SYNPR: variants seen among roughly 807,000 people sequenced by gnomAD.
SYNPR encodes the protein synaptoporin.
SYNPR carries 23 observed loss-of-function variants against 32.9 expected under a neutral mutation model. The observed-to-expected ratio is 0.70, with a 90% confidence interval of 0.50 to 0.99. SYNPR has a LOEUF of 0.99. SYNPR is among the 50% of genes least tolerant of loss of function. The probability of loss-of-function intolerance (pLI) is 0.00; values close to 1 mark genes in which losing one functional copy is unlikely to be tolerated. For synonymous variants in SYNPR, 146 were observed against 135.9 expected (o/e 1.07, Z -0.52); for missense variants, 318 against 349.3 (o/e 0.91, Z 0.71).
intron 3 of SYNPR, among the ~76,000 whole-genome samples, chr3:63,523,287 T>A (rs1434629170): frequency 6.6e-6 from 1 of 152,124 alleles, no homozygotes; most frequent in East Asian, 1.9e-4. Context: ...TTTTCCACCT[T>A]GCACTATGGT....
At chr3:63,337,232 C>CAAAA (rs67376099) in intron 2 of SYNPR, among the ~76,000 whole-genome samples, 30 of 55,406 alleles carry the variant, frequency 5.4e-4, no homozygotes, top group Admixed American at 1.0e-3. Context: ...ACTCTGTCTC[C>CAAAA]AAAAAAAAAA....
intron 2 of SYNPR, among the ~76,000 whole-genome samples, chr3:63,402,951 C>G (rs1018919423): frequency 6.6e-6 from 1 of 152,148 alleles, no homozygotes; most frequent in Non-Finnish European, 1.5e-5. Flanking sequence ...TGTCCTGGAA[C>G]ACTAAGGAAG....
At chr3:63,354,877 A>T (rs1469482338) in intron 2 of SYNPR, among the ~76,000 whole-genome samples, 2 of 152,214 alleles carry the variant, frequency 1.3e-5, no homozygotes, top group Non-Finnish European at 2.9e-5. Context: ...GAGCACTTTC[A>T]CATGTATTAT....
upstream of SYNPR, among the ~76,000 whole-genome samples, chr3:63,277,026 G>C (rs913894414): frequency 6.6e-6 from 1 of 152,096 alleles, no homozygotes; most frequent in African/African-American, 2.4e-5. Flanking sequence ...CAGTCCAAAG[G>C]GAGTGAGAAG....
At chr3:63,606,145 C>T (rs573752108) in intron 4 of SYNPR, among the ~76,000 whole-genome samples, 33 of 152,178 alleles carry the variant, frequency 2.2e-4, no homozygotes, top group South Asian at 1.7e-3. Flanking sequence ...AATGGACACA[C>T]GGGTAACAGG....
chr3:63,533,544 G>T (rs11130940), intron 3 of SYNPR, among the ~76,000 whole-genome samples: 37,343 of 151,904 alleles, frequency 0.25, 4,661 homozygotes, highest in East Asian at 0.33. Context: ...TTACCTTGGG[G>T]TAATAAAAGC....
chr3:63,403,900 A>G (rs2088325407), intron 2 of SYNPR, among the ~76,000 whole-genome samples: 1 of 152,222 alleles, frequency 6.6e-6, no homozygotes, highest in Non-Finnish European at 1.5e-5. Flanking sequence ...TTGATCGACC[A>G]CAACACCTAC....
intron 2 of SYNPR, among the ~76,000 whole-genome samples, chr3:63,374,900 G>C (rs1308057943): frequency 6.6e-6 from 1 of 152,160 alleles, no homozygotes; most frequent in Non-Finnish European, 1.5e-5. Flanking sequence ...TTGTAGATGT[G>C]TGGTGTTATT....
chr3:63,473,051 T>A (rs1198303732), intron 2 of SYNPR, among the ~76,000 whole-genome samples: 1 of 152,136 alleles, frequency 6.6e-6, no homozygotes, highest in African/African-American at 2.4e-5. Flanking sequence ...GTAACTCTCT[T>A]CTTTTTCTCT....
In SYNPR at chr3:63,517,854, T is replaced by C. The variant is rs545636902; in HGVS notation, c.209+36898T>C. ...CAGAATCCTAATCATTGCTGTTTAC[T>C]GGATACATTCTCTGTCCCTAAGAAT... On this transcript the variant is annotated intron_variant, in intron 3 of 5. Transcript: ENST00000478300. 2.6e-5 allele frequency among the ~76,000 whole-genome samples: 4 copies of C among 152,316 alleles called. No homozygotes were observed. The South Asian group carries it at 8.3e-4, about 32-fold the overall frequency.
At chr3:63,252,025 TGGTATGGG>T in intron 1 of SYNPR, among the ~76,000 whole-genome samples, 1 of 151,934 alleles carries the variant, frequency 6.6e-6, no homozygotes, top group East Asian at 2.0e-4. Flanking sequence ...TAATACTCCA[TGGTATGGG>T]GGTACCATGG....
At chr3:63,458,920 T>A (rs2106649747) in intron 2 of SYNPR, among the ~76,000 whole-genome samples, 2 of 152,192 alleles carry the variant, frequency 1.3e-5, no homozygotes, top group Middle Eastern at 6.8e-3. Flanking sequence ...GTATTCATGT[T>A]ACACTCTCCT....
At chr3:63,498,220 G>A (rs1186550472) in intron 3 of SYNPR, among the ~76,000 whole-genome samples, 4 of 152,134 alleles carry the variant, frequency 2.6e-5, no homozygotes, top group African/African-American at 9.7e-5. Context: ...TAATTGGATG[G>A]GAGGTGGGCA....
chr3:63,211,706 T>TCC, the SYNPR span, among the ~76,000 whole-genome samples: 1 of 70,110 alleles, frequency 1.4e-5, no homozygotes, highest in Non-Finnish European at 3.0e-5. Context: ...GCTTGAATCT[T>TCC]TCTTTTTTTT....
chr3:63,461,862 A>G (rs1306184112), intron 2 of SYNPR, among the ~76,000 whole-genome samples: 1 of 152,038 alleles, frequency 6.6e-6, no homozygotes, highest in Admixed American at 6.6e-5. Flanking sequence ...GTTTGAGATT[A>G]TGGATGTAAA....
intron 2 of SYNPR, among the ~76,000 whole-genome samples, chr3:63,290,454 A>C (rs9311868): frequency 6.6e-6 from 1 of 152,108 alleles, no homozygotes; most frequent in Non-Finnish European, 1.5e-5. Flanking sequence ...TAATAGACAA[A>C]GCAAAGCTTA....
At chr3:63,546,427 C>T (rs75306651) in intron 3 of SYNPR, among the ~76,000 whole-genome samples, 3,631 of 152,078 alleles carry the variant, frequency 0.024, 132 homozygotes, top group African/African-American at 0.076. Context: ...CTTAAAACCA[C>T]AATACACTTT....
chr3:63,206,158 T>C, the SYNPR span, among the ~76,000 whole-genome samples: 2 of 152,304 alleles, frequency 1.3e-5, 1 homozygote, highest in South Asian at 4.1e-4. Context: ...TACTTAGGCT[T>C]TCTGAGACGG....
At chr3:63,313,475 A>G (rs1461485479) in intron 2 of SYNPR, among the ~76,000 whole-genome samples, 1 of 151,204 alleles carries the variant, frequency 6.6e-6, no homozygotes, top group East Asian at 2.0e-4. Flanking sequence ...GTGGTTTTCC[A>G]TTCCTGAGTT....
Sources: allele counts gnomAD v4.1 joint callset (sites outside exome capture counted in the v4.1 genomes callset), GRCh38; gene constraint gnomAD v4.1.1; transcripts MANE v1.5; gene names NCBI Gene and HGNC (gene_info 2026-07-23, HGNC 2026-07-21).